MCCC1: variants seen among roughly 807,000 people sequenced by gnomAD.
MCCC1 encodes methylcrotonyl-CoA carboxylase subunit 1.
In MCCC1, 64 loss-of-function variants were observed where a neutral mutation model predicts 83.8. The ratio of observed to expected loss-of-function variants is 0.76; its 90% CI spans 0.62 to 0.94. MCCC1 has a LOEUF of 0.94. Ranked by LOEUF, MCCC1 falls within the 40% of genes least tolerant of loss-of-function variation. The pLI is 0.00. For missense variants in MCCC1, 807 were observed against 904.7 expected (o/e 0.89, Z 1.39); for synonymous variants, 322 against 315.4 (o/e 1.02, Z -0.22).
intron 14 of MCCC1, among the ~76,000 whole-genome samples, chr3:183,027,938 T>C (rs955856541): frequency 6.6e-6 from 1 of 152,190 alleles, no homozygotes; most frequent in Non-Finnish European, 1.5e-5. Flanking sequence ...GCTAAGATAA[T>C]TGATAAATGT....
At chr3:183,016,926 T>C (rs1169802294) in intron 18 of MCCC1, 4 of 362,762 alleles carry the variant, frequency 1.1e-5, no homozygotes, top group African/African-American at 6.3e-5. Context: ...CATTAGAAAA[T>C]ACCAACAGTT....
intron 2 of MCCC1, 118 bp from the exon 3 acceptor site, chr3:183,092,663 A>G: frequency 2.3e-6 from 3 of 1,322,192 alleles, no homozygotes; most frequent in Non-Finnish European, 3.2e-6. Flanking sequence ...GGTTTTTGGT[A>G]AAACTAGCAT....
chr3:183,052,671 A>G (rs2108497971), intron 8 of MCCC1, among the ~76,000 whole-genome samples: 1 of 152,090 alleles, frequency 6.6e-6, no homozygotes, highest in Middle Eastern at 3.4e-3. Flanking sequence ...TTAGCCAGGC[A>G]TGGTGGCGGG....
intron 15 of MCCC1, among the ~76,000 whole-genome samples, 198 bp downstream of exon 15, chr3:183,025,557 A>C (rs1329275184): frequency 6.6e-6 from 1 of 152,224 alleles, no homozygotes; most frequent in Non-Finnish European, 1.5e-5. Context: ...TCACAGCCCA[A>C]CTGAGTAAAC....
chr3:183,104,545 A>G (rs2108583268), upstream of MCCC1, among the ~76,000 whole-genome samples: 1 of 152,348 alleles, frequency 6.6e-6, no homozygotes, highest in South Asian at 2.1e-4. Flanking sequence ...GAGAAAGTCA[A>G]ACAGCAGACG....
intron 15 of MCCC1, among the ~76,000 whole-genome samples, chr3:183,024,112 T>C (rs1363666878): frequency 6.6e-6 from 1 of 151,894 alleles, no homozygotes; most frequent in African/African-American, 2.4e-5. Flanking sequence ...TACCCGGGCA[T>C]GGTGGTGCAT....
intron 7 of MCCC1, among the ~76,000 whole-genome samples, chr3:183,068,288 T>G (rs1716401673): frequency 6.6e-6 from 1 of 152,218 alleles, no homozygotes; most frequent in Non-Finnish European, 1.5e-5. Flanking sequence ...CATACGGACC[T>G]TGCAGATAAA....
chr3:183,018,241 C>T (rs868029164), intron 17 of MCCC1, among the ~76,000 whole-genome samples: 51 of 150,560 alleles, frequency 3.4e-4, no homozygotes, highest in African/African-American at 1.2e-3. Context: ...GGCCTACAGC[C>T]CAAATGCACT....
chr3:183,069,161 G>A (rs1163690830), intron 7 of MCCC1, among the ~76,000 whole-genome samples: 1 of 152,148 alleles, frequency 6.6e-6, no homozygotes, highest in African/African-American at 2.4e-5. Context: ...AAAGTAGTAT[G>A]CCAGGCAATA....
intron 4 of MCCC1, among the ~76,000 whole-genome samples, chr3:183,081,594 G>C (rs1036919697): frequency 2.0e-5 from 3 of 152,180 alleles, no homozygotes; most frequent in African/African-American, 7.2e-5. Context: ...CCAAGTGTAA[G>C]GTACATAGAT....
rs575247885 is a variant in MCCC1, at chr3:183,082,889, C to T, written c.369+3804G>A. On this transcript the variant is annotated intron_variant, in intron 4 of 18. Transcript: ENST00000265594. ...AGTCCCATCACAGCTACTTGGGAGG[C>T]TGAGGTGGCAGGATCACTTGAGTCC... is the stretch of plus-strand genomic sequence containing the variant. Among the ~76,000 whole-genome samples the T allele has an allele frequency of 2.6e-5, 4 of 152,056 alleles. No individual in the cohort carries two copies. The East Asian group carries it at 5.8e-4, about 22-fold the overall frequency.
At chr3:183,055,887 G>A (rs1364713703) in intron 8 of MCCC1, among the ~76,000 whole-genome samples, 1 of 152,100 alleles carries the variant, frequency 6.6e-6, no homozygotes, top group Non-Finnish European at 1.5e-5. Context: ...GACAAAGCGA[G>A]ACCCTGTCTC....
chr3:183,063,337 A>C (rs1715994429), intron 7 of MCCC1, among the ~76,000 whole-genome samples: 1 of 28,954 alleles, frequency 3.5e-5, no homozygotes, highest in African/African-American at 6.6e-5. Flanking sequence ...TGAGGAAGAA[A>C]TCTGATTTGT....
chr3:183,052,309 A>G (rs1715040008), intron 8 of MCCC1, 69 bp from the exon 9 acceptor site: 1 of 1,367,564 alleles, frequency 7.3e-7, no homozygotes, highest in South Asian at 1.2e-5. Context: ...TTAAAATTCA[A>G]TTCAGTCAGG....
At chr3:183,018,143 C>CA (rs1711842004) in intron 17 of MCCC1, among the ~76,000 whole-genome samples, 1 of 152,186 alleles carries the variant, frequency 6.6e-6, no homozygotes, top group African/African-American at 2.4e-5. Context: ...GCCTACAGCC[C>CA]AAATGCACTG....
chr3:183,022,886 T>C (rs530285659), intron 15 of MCCC1, among the ~76,000 whole-genome samples: 1 of 152,338 alleles, frequency 6.6e-6, no homozygotes, highest in African/African-American at 2.4e-5. Flanking sequence ...TGCAAAATTA[T>C]TAAAATTCAT....
chr3:183,064,235 G>A lies in MCCC1; in HGVS notation c.761+6764C>T, dbSNP rs1716069756. ...GGGAGCTTTTACCTCCCTAAAAGGA[G>A]AAACTTGAGAGCTGATGGGACTGCT... is the stretch of plus-strand genomic sequence containing the variant. On this transcript the variant is annotated intron_variant, in intron 7 of 18. Transcript: ENST00000265594. This position sits in a 1 kb window ranked among gnomAD's most constrained non-coding sequence, Gnocchi z 4.5. 6.6e-6 allele frequency among the ~76,000 whole-genome samples: 1 copy of A among 151,038 alleles called. No homozygotes were observed. Among genetic ancestry groups the A allele is most frequent in the Non-Finnish European group, 1.5e-5 (1 of 67,672 alleles).
Position 183,082,100 on chromosome 3 carries a change from C to T in MCCC1, c.369+4593G>A, listed in dbSNP as rs929269890. Among the ~76,000 whole-genome samples, 3 of 152,218 alleles carry T rather than the reference C, an allele frequency of 2.0e-5. No individual in the cohort carries two copies. The South Asian group carries it at 6.2e-4, about 31-fold the overall frequency. On this transcript the variant is annotated intron_variant, in intron 4 of 18. Coordinates refer to ENST00000265594, the MANE Select transcript of MCCC1 (RefSeq NM_020166.5). ...CCATATTCACCTGCCTACGGCCCCC[C>T]AAGTGTTCTTTCTGCTCATCCACAC...
At chr3:183,050,208 A>G (rs1057280086) in intron 9 of MCCC1, among the ~76,000 whole-genome samples, 1 of 152,080 alleles carries the variant, frequency 6.6e-6, no homozygotes, top group African/African-American at 2.4e-5. Context: ...AAAAAAAGAG[A>G]ATCTGAATAG....
Sources: allele counts gnomAD v4.1 joint callset (sites outside exome capture counted in the v4.1 genomes callset), GRCh38; gene constraint gnomAD v4.1.1; non-coding constraint Gnocchi (gnomAD v3.1); transcripts MANE v1.5; gene names NCBI Gene and HGNC (gene_info 2026-07-23, HGNC 2026-07-21).